Variants in RASGRF2 observed in about 807,000 individuals in gnomAD.
RASGRF2 encodes Ras protein specific guanine nucleotide releasing factor 2.
RASGRF2 carries 76 observed loss-of-function variants against 151.0 expected under a neutral mutation model. That is an observed-to-expected ratio of 0.50 (90% CI 0.42 to 0.61). RASGRF2 has a LOEUF of 0.61. RASGRF2 is among the 20% of genes least tolerant of loss of function. RASGRF2 has a pLI of 0.00. For missense variants in RASGRF2, 1,148 were observed against 1,564.6 expected, an observed-to-expected ratio of 0.73 and a Z score of 4.49; for synonymous variants, 504 against 566.5, an observed-to-expected ratio of 0.89 and a Z score of 1.57.
intron 5 of RASGRF2, among the ~76,000 whole-genome samples, chr5:81,074,426 C>A (rs1751875442): frequency 6.6e-6 from 1 of 152,170 alleles, no homozygotes; most frequent in South Asian, 2.1e-4. Flanking sequence ...GTCAAAATAA[C>A]ATGAAAACAG....
chr5:80,998,439 G>A (rs1323238402), intron 1 of RASGRF2, among the ~76,000 whole-genome samples: 3 of 152,074 alleles, frequency 2.0e-5, no homozygotes, highest in South Asian at 2.1e-4. Context: ...GACAAAAGCC[G>A]AAAATAGGTT....
intron 17 of RASGRF2, among the ~76,000 whole-genome samples, chr5:81,173,821 T>C (rs956780974): frequency 6.6e-6 from 1 of 152,216 alleles, no homozygotes; most frequent in Non-Finnish European, 1.5e-5. Context: ...TTTGGCGTCT[T>C]ACTTGTTTGA....
Position 81,069,303 on chromosome 5 carries a change from A to C in RASGRF2, c.543+1124A>C, listed in dbSNP as rs1198585962. Among the ~76,000 whole-genome samples the C allele has an allele frequency of 2.6e-5, 4 of 152,360 alleles. No individual in the cohort carries two copies. In the South Asian group the frequency reaches 8.3e-4, roughly 32 times the overall value. On this transcript the variant is annotated intron_variant, in intron 3 of 26. Coordinates refer to ENST00000265080, the MANE Select transcript of RASGRF2 (RefSeq NM_006909.3). ...CAGATGGTGTTCACCATATTATTAC[A>C]GTTGTTAACTTCCCAATTCGACCCT...
chr5:81,035,108 C>T (rs1446521212), intron 1 of RASGRF2, among the ~76,000 whole-genome samples: 2 of 152,104 alleles, frequency 1.3e-5, no homozygotes, highest in African/African-American at 4.8e-5. Context: ...CATCCCATTA[C>T]TGTGTATATA....
rs189287907 is a variant in RASGRF2 at position 81,028,449 on chromosome 5, G to T, written c.289-14428G>T. ...GAATCTCAGTTTTCAGGCTCATCTA[G>T]AGTGGGAAGATTTCCCTCCAATTCT... On this transcript the variant is annotated intron_variant, in intron 1 of 26. Transcript: ENST00000265080. Among the ~76,000 whole-genome samples, 749 of 152,004 alleles carry T rather than the reference G, an allele frequency of 4.9e-3. 9 individuals are homozygous for T. Among genetic ancestry groups the T allele is most frequent in the African/African-American group, 0.016 (654 of 41,498 alleles).
intron 22 of RASGRF2, among the ~76,000 whole-genome samples, chr5:81,211,377 G>A (rs900384498): frequency 4.6e-5 from 7 of 152,116 alleles, no homozygotes; most frequent in African/African-American, 1.7e-4. Context: ...TTGTCTTTCT[G>A]TTCCCAGCAC....
At chr5:81,105,914 A>G (rs1413750798) in intron 12 of RASGRF2, among the ~76,000 whole-genome samples, 2 of 152,120 alleles carry the variant, frequency 1.3e-5, no homozygotes, top group Non-Finnish European at 2.9e-5. Context: ...CTCATCTTCA[A>G]ACTCTTTCAT....
intron 1 of RASGRF2, among the ~76,000 whole-genome samples, chr5:80,998,716 C>G (rs1266602549): frequency 6.6e-6 from 1 of 152,184 alleles, no homozygotes; most frequent in Non-Finnish European, 1.5e-5. Flanking sequence ...ACGCTCCACC[C>G]TTTTTCACCC....
chr5:80,993,934 G>A (rs939424101), intron 1 of RASGRF2, among the ~76,000 whole-genome samples: 1 of 152,136 alleles, frequency 6.6e-6, no homozygotes, highest in African/African-American at 2.4e-5. Context: ...GAAGGTTGGA[G>A]AGGGTGGAGG....
At chr5:81,180,310 C>T (rs1754884990) in intron 18 of RASGRF2, 29 bp downstream of exon 18, 5 of 1,347,614 alleles carry the variant, frequency 3.7e-6, no homozygotes, top group Non-Finnish European at 5.3e-6. Flanking sequence ...TAATTACTTG[C>T]AAGGATTTTT....
chr5:81,165,398 C>T (rs924696038), intron 17 of RASGRF2, among the ~76,000 whole-genome samples: 7 of 152,248 alleles, frequency 4.6e-5, no homozygotes, highest in African/African-American at 1.7e-4. Flanking sequence ...GAGTCCCTAC[C>T]ATGTGTAAGG....
At chr5:81,103,174 C>G (rs571644699) in intron 12 of RASGRF2, among the ~76,000 whole-genome samples, 1 of 152,126 alleles carries the variant, frequency 6.6e-6, no homozygotes, top group Non-Finnish European at 1.5e-5. Flanking sequence ...ACATTACATA[C>G]TCATTAGAAA....
rs1752276833 is a variant in RASGRF2 at position 81,087,615 on chromosome 5, C to T, written c.1390+662C>T. 4 of 531,940 alleles carry T rather than the reference C, an allele frequency of 7.5e-6. No individual in the cohort carries two copies. In the East Asian group the frequency reaches 8.8e-5, roughly 12 times the overall value. The allele number at this position is 531,940 out of a possible 1,614,324, so 33.0% of individuals were successfully genotyped here. On this transcript the variant is annotated intron_variant, in intron 9 of 26. Transcript: ENST00000265080. The stretch of plus-strand genomic sequence containing the variant: ...TGGAGAAGCAACAGCCTGACAGTGC[C>T]TATTTCTCCTCGGCTGTTATTTCAA...
At chr5:81,041,176 C>G (rs1156682170) in intron 1 of RASGRF2, among the ~76,000 whole-genome samples, 1 of 151,990 alleles carries the variant, frequency 6.6e-6, no homozygotes, top group Non-Finnish European at 1.5e-5. Context: ...GTGGCACATG[C>G]CTGTAATCCT....
At chr5:81,010,011 C>T (rs1244829872) in intron 1 of RASGRF2, among the ~76,000 whole-genome samples, 1 of 151,884 alleles carries the variant, frequency 6.6e-6, no homozygotes, top group Admixed American at 6.6e-5. Context: ...CAAAAATTAG[C>T]CGGGCATGGG....
At chr5:81,201,476 T>G in intron 19 of RASGRF2, 34 bp downstream of exon 19, 1 of 1,594,466 alleles carries the variant, frequency 6.3e-7, no homozygotes, top group Non-Finnish European at 8.6e-7. Context: ...CTGGATGACA[T>G]TGGTTGATTC....
chr5:81,208,280 G>T, intron 21 of RASGRF2, 74 bp from the exon 22 acceptor site: 2 of 1,279,148 alleles, frequency 1.6e-6, no homozygotes, highest in Admixed American at 1.9e-5. Flanking sequence ...TAATATTCGT[G>T]ACAACTGTCC....
At chr5:81,032,644 T>C (rs1157463174) in intron 1 of RASGRF2, among the ~76,000 whole-genome samples, 5 of 152,146 alleles carry the variant, frequency 3.3e-5, no homozygotes, top group African/African-American at 9.7e-5. Flanking sequence ...ATGGGACGTA[T>C]CTCAAAATAA....
intron 18 of RASGRF2, among the ~76,000 whole-genome samples, chr5:81,191,769 G>A (rs1461441359): frequency 6.6e-6 from 1 of 152,148 alleles, no homozygotes; most frequent in Admixed American, 6.5e-5. Flanking sequence ...CTGATTCCGG[G>A]GTTGTGGGGC....
Sources: allele counts gnomAD v4.1 joint callset (sites outside exome capture counted in the v4.1 genomes callset), GRCh38; gene constraint gnomAD v4.1.1; transcripts MANE v1.5; gene names NCBI Gene and HGNC (gene_info 2026-07-23, HGNC 2026-07-21).